The following PPM1L variants were observed in gnomAD, a reference collection of about 807,000 sequenced individuals.
The protein encoded by PPM1L is protein phosphatase 1L.
Under a neutral mutation model 31.4 loss-of-function variants are expected in PPM1L, and 13 were observed. The ratio of observed to expected loss-of-function variants is 0.41; its 90% confidence interval spans 0.27 to 0.66. The LOEUF (loss-of-function observed/expected upper bound fraction) is 0.66. PPM1L is among the 30% of genes least tolerant of loss of function. PPM1L has a pLI of 0.29. For missense variants in PPM1L, 326 were observed against 453.7 expected (o/e 0.72, Z 2.56); for synonymous variants, 184 against 175.4 (o/e 1.05, Z -0.39).
At chr3:161,044,194 C>A (rs772515393) in intron 2 of PPM1L, among the ~76,000 whole-genome samples, 2 of 151,912 alleles carry the variant, frequency 1.3e-5, no homozygotes, top group Non-Finnish European at 2.9e-5. Context: ...CATGTACCAA[C>A]ACGCCCAGCT....
rs958103491 is a variant in PPM1L, at chr3:161,057,110, C to G, written c.575-8293C>G. 2.6e-5 allele frequency among the ~76,000 whole-genome samples: 4 copies of G among 152,126 alleles called. No homozygotes were observed. The East Asian group carries it at 7.7e-4, about 29-fold the overall frequency. ...CAATGACTAAGGCATCTCCCTGGCCCTAAAAGGGAGTTTCAGCCTAATGGG... is the reference window on the plus strand; with the variant it reads ...CAATGACTAAGGCATCTCCCTGGCCGTAAAAGGGAGTTTCAGCCTAATGGG... On this transcript the variant is annotated intron_variant, in intron 2 of 3. Transcript: ENST00000498165.
At chr3:160,968,141 A>G (rs1175888262) in intron 2 of PPM1L, among the ~76,000 whole-genome samples, 1 of 150,478 alleles carries the variant, frequency 6.6e-6, no homozygotes, top group Admixed American at 6.7e-5. Context: ...GTGAGACTGT[A>G]TGAGTCAAGC....
intron 1 of PPM1L, among the ~76,000 whole-genome samples, chr3:160,864,420 G>T (rs554005004): frequency 1.3e-5 from 2 of 152,228 alleles, no homozygotes; most frequent in African/African-American, 4.8e-5. Flanking sequence ...CAAGCAGTCT[G>T]CCCACCTCAG....
chr3:160,841,182 T>A (rs1360954234), intron 1 of PPM1L, among the ~76,000 whole-genome samples: 1 of 152,028 alleles, frequency 6.6e-6, no homozygotes, highest in African/African-American at 2.4e-5. Flanking sequence ...TTTTTTTTTT[T>A]ATCTATATAT....
intron 1 of PPM1L, among the ~76,000 whole-genome samples, chr3:160,841,671 C>T (rs6799228): frequency 0.032 from 4,863 of 152,250 alleles, 243 homozygotes; most frequent in African/African-American, 0.11. Context: ...GCAGAGAAAC[C>T]TACTTGCCGC....
In PPM1L at chr3:161,076,614, T is replaced by C. The variant is rs1720107075; in HGVS notation, c.*7457T>C. ...TACTAAAGCAAATGATTTTGATTTA[T>C]AGCACTTACACAACTGCAGTTCAGG... On this transcript the variant is annotated 3_prime_UTR_variant, in exon 4 of 4. Transcript: ENST00000498165. 1 of 152,152 alleles carries C rather than the reference T, an allele frequency of 6.6e-6. No homozygotes were observed. The highest frequency in any genetic ancestry group is 2.1e-4 in the South Asian group (1 of 4,832). The allele number at this position is 152,152 out of a possible 1,614,324, so 9.4% of individuals were successfully genotyped here.
In PPM1L at chr3:160,970,445, A is replaced by ATTTTTTTTTTTTTTTTTTTTTTT. The variant is rs1491444648; in HGVS notation, c.574+8536_574+8537insTTTTTTTTTTTTTTTTTTTTTTT. 6.0e-5 allele frequency among the ~76,000 whole-genome samples: 2 copies of ATTTTTTTTTTTTTTTTTTTTTTT among 33,462 alleles called. 1 individual carries two copies. Among genetic ancestry groups the ATTTTTTTTTTTTTTTTTTTTTTT allele is most frequent in the Non-Finnish European group, 2.6e-4 (2 of 7,774 alleles). The allele number at this position is 33,462 out of a possible 152,430, so 22.0% of individuals were successfully genotyped here. ...TTATCAATCTTTTTAACCAAGCTGAATATTTTTTTTTTTTTTTTTTTTGAG... is the reference window on the plus strand; with the variant it reads ...TTATCAATCTTTTTAACCAAGCTGAATTTTTTTTTTTTTTTTTTTTTTTTATTTTTTTTTTTTTTTTTTTTGAG... On this transcript the variant is annotated intron_variant, in intron 2 of 3. Transcript: ENST00000498165.
chr3:160,849,719 C>T (rs763085000), intron 1 of PPM1L, among the ~76,000 whole-genome samples: 22 of 151,300 alleles, frequency 1.5e-4, no homozygotes, highest in South Asian at 2.1e-4. Context: ...CCACCACGCC[C>T]GGCTAATTTT....
chr3:160,934,471 G>T (rs943084972), intron 1 of PPM1L, among the ~76,000 whole-genome samples: 2 of 151,976 alleles, frequency 1.3e-5, no homozygotes, highest in African/African-American at 4.8e-5. Flanking sequence ...GTTCATTGTA[G>T]AAATCCTTAA....
intron 1 of PPM1L, among the ~76,000 whole-genome samples, chr3:160,932,445 A>G (rs1478174019): frequency 1.3e-5 from 2 of 152,174 alleles, no homozygotes; most frequent in Non-Finnish European, 2.9e-5. Context: ...TAGTTGCTGT[A>G]TGCCTCAGTT....
intron 2 of PPM1L, among the ~76,000 whole-genome samples, chr3:160,979,531 T>C (rs919093181): frequency 4.6e-5 from 7 of 152,094 alleles, no homozygotes; most frequent in Non-Finnish European, 8.8e-5. Flanking sequence ...TTTTTTTTTT[T>C]ACATCAATAT....
At chr3:160,774,014 T>A (rs762964273) in intron 1 of PPM1L, among the ~76,000 whole-genome samples, 1 of 152,198 alleles carries the variant, frequency 6.6e-6, no homozygotes, top group African/African-American at 2.4e-5. Context: ...GATTCAGCCA[T>A]CCTTTCTGAG....
intron 2 of PPM1L, among the ~76,000 whole-genome samples, chr3:160,988,717 G>C (rs112948574): frequency 0.025 from 3,817 of 152,222 alleles, 85 homozygotes; most frequent in South Asian, 0.044. Context: ...CAACTTACCA[G>C]AATAGAACAG....
intron 1 of PPM1L, among the ~76,000 whole-genome samples, chr3:160,814,739 A>C (rs531314297): frequency 6.8e-6 from 1 of 147,398 alleles, no homozygotes; most frequent in East Asian, 2.0e-4. Flanking sequence ...ATATATGTAT[A>C]TATGTGTATA....
intron 2 of PPM1L, among the ~76,000 whole-genome samples, chr3:161,063,622 G>C (rs1410967436): frequency 5.3e-5 from 8 of 151,896 alleles, no homozygotes; most frequent in Non-Finnish European, 1.2e-4. Context: ...AATTCCTCAA[G>C]GATCTAGAAC....
intron 1 of PPM1L, among the ~76,000 whole-genome samples, chr3:160,779,674 C>A (rs1464424308): frequency 6.6e-6 from 1 of 152,016 alleles, no homozygotes; most frequent in Non-Finnish European, 1.5e-5. Flanking sequence ...AGGTGCCCAC[C>A]ATTATGCCCT....
At chr3:160,874,572 A>G (rs191086367) in intron 1 of PPM1L, among the ~76,000 whole-genome samples, 6 of 152,344 alleles carry the variant, frequency 3.9e-5, no homozygotes, top group East Asian at 1.9e-4. Flanking sequence ...TGTACCACCA[A>G]TATATATCCT....
chr3:160,797,733 G>A (rs1212291794), intron 1 of PPM1L, among the ~76,000 whole-genome samples: 2 of 152,224 alleles, frequency 1.3e-5, no homozygotes, highest in African/African-American at 2.4e-5. Flanking sequence ...CAGCCACAAC[G>A]TTCTCTTCAG....
At chr3:160,901,151 C>T (rs184537177) in intron 1 of PPM1L, among the ~76,000 whole-genome samples, 7 of 152,188 alleles carry the variant, frequency 4.6e-5, no homozygotes, top group South Asian at 2.1e-4. Context: ...TGCATGTCAT[C>T]GGTATAAATC....
Sources: gnomAD v4.1 joint callset for allele counts (sites outside exome capture counted in the v4.1 genomes callset) on GRCh38, gnomAD v4.1.1 for gene constraint, MANE v1.5 for transcripts, NCBI Gene and HGNC (gene_info 2026-07-23, HGNC 2026-07-21) for gene names.